PEBP4: variants seen among roughly 807,000 people sequenced by gnomAD.
The protein encoded by PEBP4 is phosphatidylethanolamine binding protein 4, also known as phosphatidylethanolamine-binding protein 4.
A neutral mutation model predicts 23.9 loss-of-function variants in PEBP4; 22 were observed. The ratio of observed to expected loss-of-function variants is 0.92; its 90% CI spans 0.66 to 1.31. The LOEUF (loss-of-function observed/expected upper bound fraction) is 1.31, where lower values mean the gene tolerates loss of function less well. Among genes scored for constraint, PEBP4 ranks in the 40% most tolerant of loss-of-function variants. The probability of loss-of-function intolerance (pLI) is 0.00; values close to 1 mark genes in which losing one functional copy is unlikely to be tolerated. For missense variants in PEBP4, 324 were observed against 281.7 expected (o/e 1.15, Z -1.07); for synonymous variants, 112 against 99.3 (o/e 1.13, Z -0.76).
intron 3 of PEBP4, among the ~76,000 whole-genome samples, chr8:22,834,316 C>T (rs1027074466): frequency 1.3e-5 from 2 of 152,226 alleles, no homozygotes; most frequent in African/African-American, 4.8e-5. Context: ...GGCTGATGGG[C>T]CCGCCAGGAT....
At chr8:22,748,244 C>T (rs947734549) in intron 4 of PEBP4, among the ~76,000 whole-genome samples, 2 of 152,118 alleles carry the variant, frequency 1.3e-5, no homozygotes, top group African/African-American at 4.8e-5. Context: ...ATGATGATGG[C>T]TCCAAGCCTG....
In PEBP4 at chr8:22,817,720, G is replaced by T. The variant is rs1013963665; in HGVS notation, c.274C>A (p.Leu92Met). 5 of 1,614,048 alleles carry T rather than the reference G, an allele frequency of 3.1e-6. No homozygotes were observed. The African/African-American group carries it at 6.7e-5, about 22-fold the overall frequency. The change falls in exon 4 of 7, where the codon CTG (leucine) becomes ATG (methionine). Residue 92 changes from leucine to methionine, a missense_variant. Leu to Met is a conservative substitution (Grantham distance 15). Transcript: ENST00000256404. ...PGAVDGATYILVMVDPDAPSR... is the reference protein window; with the variant it reads ...PGAVDGATYIMVMVDPDAPSR... ...GGGGCATCTGGATCCACCATCACCA[G>T]GATATAGGTTGCGCCCTGTAACACA... is the stretch of plus-strand genomic sequence containing the variant.
At chr8:22,779,560 C>G (rs1480686983) in intron 4 of PEBP4, among the ~76,000 whole-genome samples, 1 of 152,120 alleles carries the variant, frequency 6.6e-6, no homozygotes, top group Non-Finnish European at 1.5e-5. Flanking sequence ...AGGGAGAGAG[C>G]TGGGCTGGTG....
chr8:22,889,456 C>T (rs745500332), intron 3 of PEBP4, among the ~76,000 whole-genome samples: 2 of 152,054 alleles, frequency 1.3e-5, no homozygotes, highest in Non-Finnish European at 2.9e-5. Flanking sequence ...TCTAAGGCTC[C>T]GGGGAGCTCA....
At chr8:22,896,678 G>A (rs1418868881) in intron 3 of PEBP4, among the ~76,000 whole-genome samples, 1 of 152,138 alleles carries the variant, frequency 6.6e-6, no homozygotes, top group Non-Finnish European at 1.5e-5. Flanking sequence ...GCCTCGTTCA[G>A]CCCTTGGTAG....
intron 3 of PEBP4, among the ~76,000 whole-genome samples, chr8:22,862,814 T>G (rs1807806744): frequency 6.7e-6 from 1 of 150,368 alleles, no homozygotes; most frequent in Admixed American, 6.6e-5. Flanking sequence ...TTTTTTTTTT[T>G]TTTTGAGACG....
chr8:22,915,958 C>T (rs191217749), intron 3 of PEBP4, among the ~76,000 whole-genome samples: 29 of 152,306 alleles, frequency 1.9e-4, no homozygotes, highest in African/African-American at 6.3e-4. Flanking sequence ...AAACTTGTGT[C>T]TCCACCATGG....
At chr8:22,734,184 A>T (rs556526237) in intron 4 of PEBP4, among the ~76,000 whole-genome samples, 16 of 152,338 alleles carry the variant, frequency 1.1e-4, no homozygotes, top group African/African-American at 3.1e-4. Flanking sequence ...AGGCACTGAC[A>T]GCTCCCAGGC....
chr8:22,883,266 G>T (rs1352042964), intron 3 of PEBP4, among the ~76,000 whole-genome samples: 1 of 152,136 alleles, frequency 6.6e-6, no homozygotes, highest in Non-Finnish European at 1.5e-5. Flanking sequence ...TCTGATGTGA[G>T]AACAGCCCCA....
At position 22,775,940 on chromosome 8, in the gene PEBP4, GT is replaced by G. The variant is rs1437373443; in HGVS notation, c.357+41696del. Among the ~76,000 whole-genome samples the G allele has an allele frequency of 6.6e-6, 1 of 152,126 alleles. No individual in the cohort carries two copies. The highest frequency in any genetic ancestry group is 1.5e-5 in the Non-Finnish European group (1 of 68,028). ...TCTGTCCCTACCAGGGATGGCCAGGGTGGTCTGGGCTCACCCCTGGAACAAT... is the reference window on the plus strand; with the variant it reads ...TCTGTCCCTACCAGGGATGGCCAGGGGGTCTGGGCTCACCCCTGGAACAAT... On this transcript the variant is annotated intron_variant, in intron 4 of 6. Coordinates refer to ENST00000256404, the MANE Select transcript of PEBP4 (RefSeq NM_144962.3). The surrounding 1 kb of genome is among the most constrained non-coding windows in gnomAD (Gnocchi z 4.8).
intron 4 of PEBP4, among the ~76,000 whole-genome samples, chr8:22,749,832 G>GTTTT (rs1805213444): frequency 2.0e-5 from 1 of 51,016 alleles, no homozygotes; most frequent in African/African-American, 4.9e-5. Context: ...TTGAGATGGA[G>GTTTT]TTTCGCTCTT....
chr8:22,714,570 C>T (rs996522939), intron 6 of PEBP4, among the ~76,000 whole-genome samples: 1 of 151,862 alleles, frequency 6.6e-6, no homozygotes, highest in Non-Finnish European at 1.5e-5. Context: ...ATGCAGCAAC[C>T]TCCCAGGGTG....
chr8:22,932,659 G>T (rs1809475829), upstream of PEBP4, among the ~76,000 whole-genome samples: 1 of 151,654 alleles, frequency 6.6e-6, no homozygotes. Flanking sequence ...CTGCACCCTG[G>T]GTGAGAGAAG....
At chr8:22,897,250 C>T (rs1258866653) in intron 3 of PEBP4, among the ~76,000 whole-genome samples, 4 of 152,104 alleles carry the variant, frequency 2.6e-5, no homozygotes, top group Admixed American at 1.3e-4. Context: ...CATGCAAAGT[C>T]CCTGGGGACA....
intron 3 of PEBP4, among the ~76,000 whole-genome samples, chr8:22,902,368 C>T (rs1426522970): frequency 6.6e-6 from 1 of 152,064 alleles, no homozygotes; most frequent in Non-Finnish European, 1.5e-5. Context: ...TTTTAAAATC[C>T]TACGTCCTAA....
intron 4 of PEBP4, among the ~76,000 whole-genome samples, chr8:22,760,806 A>G (rs1215171693): frequency 6.6e-6 from 1 of 152,174 alleles, no homozygotes; most frequent in Admixed American, 6.5e-5. Context: ...ACATAGGAAG[A>G]GCCTAGACCT....
At chr8:22,754,766 T>G (rs1432744428) in intron 4 of PEBP4, 2 of 152,290 alleles carry the variant, frequency 1.3e-5, no homozygotes, top group Admixed American at 6.5e-5. Context: ...GGTGGATAAT[T>G]TCCCCACATC....
At position 22,820,546 on chromosome 8, in the gene PEBP4, G is replaced by A. The variant is rs960468041; in HGVS notation, c.259-2811C>T. Among the ~76,000 whole-genome samples, 24 of 152,178 alleles carry A rather than the reference G, an allele frequency of 1.6e-4. 3 individuals are homozygous for A. Among genetic ancestry groups the A allele is most frequent in the Admixed American group, 1.4e-3 (22 of 15,278 alleles). On this transcript the variant is annotated intron_variant, in intron 3 of 6. Coordinates refer to ENST00000256404, the MANE Select transcript of PEBP4 (RefSeq NM_144962.3). ...ATGTTCTAAATGCTTAAGCAGAGGA[G>A]CATTTATCAACCATGGAGGGGAAAG...
chr8:22,902,248 G>C (rs1808727320), intron 3 of PEBP4, among the ~76,000 whole-genome samples: 1 of 152,164 alleles, frequency 6.6e-6, no homozygotes, highest in Non-Finnish European at 1.5e-5. Context: ...ATAATTGCTT[G>C]AACCTAGGAG....
Sources: gnomAD v4.1 joint callset for allele counts (sites outside exome capture counted in the v4.1 genomes callset) on GRCh38, gnomAD v4.1.1 for gene constraint, Gnocchi (gnomAD v3.1) non-coding constraint, MANE v1.5 for transcripts, NCBI Gene and HGNC (gene_info 2026-07-23, HGNC 2026-07-21) for gene names.